TTLL8: variants seen among roughly 807,000 people sequenced by gnomAD.
The protein encoded by TTLL8 is tubulin tyrosine ligase like 8.
Under a neutral mutation model 77.8 loss-of-function variants are expected in TTLL8, and 65 were observed. The observed-to-expected ratio is 0.84, with a 90% CI of 0.68 to 1.03. TTLL8 has a LOEUF of 1.03. TTLL8 is among the 50% of genes least tolerant of loss of function. TTLL8 has a pLI of 0.00. For synonymous variants in TTLL8, 402 were observed against 422.8 expected (o/e 0.95, Z 0.60); for missense variants, 910 against 1,004.5 (o/e 0.91, Z 1.27).
chr22:50,034,373 G>T lies in TTLL8; in HGVS notation c.1011C>A (p.Ala337=). Residue 337 remains alanine (A), a synonymous_variant, in exon 9 of 14, where the codon GCC becomes GCA. Coordinates refer to ENST00000266182, the Ensembl canonical transcript of TTLL8. This position sits in a 1 kb window ranked among gnomAD's most constrained non-coding sequence, Gnocchi z 4.1. ...GGGACTCACCTCGGCCCCGGGACTT[G>T]GCCGCGGGCTTTATAATCCAGATGT... The T allele has an allele frequency of 1.5e-6, 2 of 1,366,822 alleles. No homozygotes were observed. The highest frequency in any genetic ancestry group is 2.0e-6 in the Non-Finnish European group (2 of 1,021,820). The allele number at this position is 1,366,822 out of a possible 1,614,324, so 84.7% of individuals were successfully genotyped here.
At chr22:50,033,700 A>G (rs1302553994) in intron 9 of TTLL8, among the ~76,000 whole-genome samples, 2 of 152,236 alleles carry the variant, frequency 1.3e-5, no homozygotes, top group African/African-American at 4.8e-5. Context: ...CAGAGGGGAC[A>G]CAGAGATCAG....
exon 11 of TTLL8, chr22:50,031,868 C>T (rs749631300): frequency 7.3e-6 from 10 of 1,367,200 alleles, no homozygotes; most frequent in East Asian, 4.5e-5. Context: ...AAGTCAGCCC[C>T]GTAGAGCTCA....
At chr22:50,055,897 C>T (rs1287265755), upstream of TTLL8, among the ~76,000 whole-genome samples, 1 of 152,084 alleles carries the variant, frequency 6.6e-6, no homozygotes, top group Non-Finnish European at 1.5e-5. Flanking sequence ...TACAGGGCTG[C>T]ATTCCCAGAT....
At position 50,034,693 on chromosome 22, in the gene TTLL8, G is replaced by A. The variant is rs930125427; in HGVS notation, c.922-231C>T. On this transcript the variant is annotated intron_variant, in intron 8 of 13. Coordinates refer to ENST00000266182, the Ensembl canonical transcript of TTLL8. The surrounding 1 kb of genome is among the most constrained non-coding windows in gnomAD (Gnocchi z 4.1). ...ACAGCCCTGTGAGGCTGCTCCAGAC[G>A]AGGGCTGTGTTAAGACAGTGGGGAC... Among the ~76,000 whole-genome samples, 3 of 152,156 alleles carry A rather than the reference G, an allele frequency of 2.0e-5. No individual in the cohort carries two copies. The highest frequency in any genetic ancestry group is 6.5e-5 in the Admixed American group (1 of 15,274).
chr22:50,047,399 T>C (rs747619853), intron 3 of TTLL8, 103 bp from the exon 6 acceptor site: 10 of 987,176 alleles, frequency 1.0e-5, no homozygotes, highest in Non-Finnish European at 1.3e-5. Context: ...GCGTGCAGCG[T>C]GAGGATCCCA....
In TTLL8 at chr22:50,041,539, C is replaced by A; in HGVS notation, c.830+82G>T. The A allele has an allele frequency of 1.6e-6, 2 of 1,240,578 alleles. No individual in the cohort carries two copies. Among genetic ancestry groups the A allele is most frequent in the Non-Finnish European group, 2.1e-6 (2 of 959,700 alleles). 76.8% of individuals were successfully genotyped at this position (1,240,578 alleles called of 1,614,324 possible). On this transcript the variant is annotated intron_variant, in intron 7 of 13. Coordinates refer to ENST00000266182, the Ensembl canonical transcript of TTLL8. This position sits in a 1 kb window ranked among gnomAD's most constrained non-coding sequence, Gnocchi z 4.3. ...TAATGCCCAGACAGGTGACCCAGTT[C>A]CCAGAGGCTGCACTGCCCCGGCAGC... is the stretch of plus-strand genomic sequence containing the variant.
At position 50,039,321 on chromosome 22, in the gene TTLL8, A is replaced by G. The variant is rs114400092; in HGVS notation, c.921+1866T>C. Reference sequence around the variant, plus strand: ...CTTTGTAGGAAAGTTTTTAAATTACAGATTTAGGCCGGGTGCAGTGGCTCA... The same window carrying G: ...CTTTGTAGGAAAGTTTTTAAATTACGGATTTAGGCCGGGTGCAGTGGCTCA... On this transcript the variant is annotated intron_variant, in intron 8 of 13. Transcript: ENST00000266182. Among the ~76,000 whole-genome samples, 549 of 152,306 alleles carry G rather than the reference A, an allele frequency of 3.6e-3. 3 individuals are homozygous for G. Among genetic ancestry groups the G allele is most frequent in the African/African-American group, 0.013 (534 of 41,552 alleles).
chr22:50,042,358 C>T lies in TTLL8; in HGVS notation c.644-551G>A, dbSNP rs558141074. On this transcript the variant is annotated intron_variant, in intron 6 of 13. Transcript: ENST00000266182. ...TAAGACAGAGTTTTGCTCTTGTCGCCCAGGCTGGATGGCAAGATCTTGGCT... is the reference window on the plus strand; with the variant it reads ...TAAGACAGAGTTTTGCTCTTGTCGCTCAGGCTGGATGGCAAGATCTTGGCT... Among the ~76,000 whole-genome samples, 179 of 151,930 alleles carry T rather than the reference C, an allele frequency of 1.2e-3. 1 individual carries two copies. The highest frequency in any genetic ancestry group is 2.4e-3 in the Non-Finnish European group (160 of 67,908).
exon 11 of TTLL8, chr22:50,031,941 C>G: frequency 7.3e-7 from 1 of 1,366,966 alleles, no homozygotes; most frequent in Non-Finnish European, 9.8e-7. Flanking sequence ...CGATGGCCTT[C>G]TTCATGGACG....
intron 1 of TTLL8, among the ~76,000 whole-genome samples, chr22:50,052,870 A>T (rs1042230409): frequency 5.3e-5 from 8 of 152,354 alleles, no homozygotes; most frequent in Non-Finnish European, 1.0e-4. Context: ...AATAAGTTCC[A>T]TAAGACTTTA....
intron 8 of TTLL8, among the ~76,000 whole-genome samples, chr22:50,037,048 C>T (rs189720726): frequency 1.3e-5 from 2 of 152,208 alleles, no homozygotes; most frequent in African/African-American, 4.8e-5. Context: ...GCATAAATAC[C>T]TTGGAATGGA....
At position 50,041,349 on chromosome 22, in the gene TTLL8, C is replaced by T. The variant is rs182149350; in HGVS notation, c.831-72G>A. 17 of 592,038 alleles carry T rather than the reference C, an allele frequency of 2.9e-5. No individual in the cohort carries two copies. The highest frequency in any genetic ancestry group is 7.8e-5 in the African/African-American group (4 of 51,060). The allele number at this position is 592,038 out of a possible 1,614,324, so 36.7% of individuals were successfully genotyped here. On this transcript the variant is annotated intron_variant, in intron 7 of 13. Transcript: ENST00000266182. This position sits in a 1 kb window ranked among gnomAD's most constrained non-coding sequence, Gnocchi z 4.3. ...CAGGCAACAGAGGGCCTGGGCACCC[C>T]GACACCCATAAGGCACCCCAAGATC...
At chr22:50,047,844 T>G (rs2061422013) in intron 3 of TTLL8, among the ~76,000 whole-genome samples, 1 of 152,196 alleles carries the variant, frequency 6.6e-6, no homozygotes, top group South Asian at 2.1e-4. Context: ...ACGCCTGTAA[T>G]CCCAACACTT....
At position 50,031,040 on chromosome 22, in the gene TTLL8, G is replaced by GAGTGAAC. The variant is rs1252632168; in HGVS notation, c.1708-122_1708-116dup. 4.0e-6 allele frequency: 4 copies of GAGTGAAC among 991,542 alleles called. No individual in the cohort carries two copies. The African/African-American group carries it at 7.0e-5, about 17-fold the overall frequency. The allele number at this position is 991,542 out of a possible 1,614,324, so 61.4% of individuals were successfully genotyped here. ...GGGCACAGACCCCCACCTGACTCAG[G>GAGTGAAC]AGTGAACAGTGAACACCTGGGGTCC... On this transcript the variant is annotated intron_variant, in intron 11 of 13. Transcript: ENST00000266182.
chr22:50,034,422 T>C lies in TTLL8; in HGVS notation c.962A>G (p.Gln321Arg), dbSNP rs2061321523. The stretch of plus-strand genomic sequence containing the variant: ...GTTCCGGAGCCCGTCAATGTCCGTC[T>C]GAGGGTTCACAGACGTGATTCTATT... Residue 321 changes from glutamine (Q) to arginine (R), a missense_variant, in exon 9 of 14, where the codon CAG becomes CGG. By Grantham distance (43) the Gln-to-Arg change is conservative (BLOSUM62 1). Transcript: ENST00000266182. The surrounding 1 kb of genome is among the most constrained non-coding windows in gnomAD (Gnocchi z 4.1). The C allele has an allele frequency of 7.3e-7, 1 of 1,367,240 alleles. No homozygotes were observed. The allele number at this position is 1,367,240 out of a possible 1,614,324, so 84.7% of individuals were successfully genotyped here.
chr22:50,042,724 G>C (rs558700549), intron 6 of TTLL8, among the ~76,000 whole-genome samples: 9 of 152,274 alleles, frequency 5.9e-5, no homozygotes, highest in African/African-American at 2.2e-4. Flanking sequence ...GAGCCTGAAA[G>C]TTTGAGACTA....
exon 2 of TTLL8, chr22:50,050,204 C>A: frequency 7.4e-7 from 1 of 1,358,708 alleles, no homozygotes; most frequent in Non-Finnish European, 9.8e-7. Flanking sequence ...CAGAGCGGCC[C>A]GGACCACCGG....
upstream of TTLL8, chr22:50,055,377 G>A: frequency 7.9e-7 from 1 of 1,264,290 alleles, no homozygotes; most frequent in African/African-American, 1.5e-5. Flanking sequence ...TCCAAGGCCA[G>A]GCACGGTGGC....
chr22:50,050,205 G>A lies in TTLL8; in HGVS notation c.94C>T (p.Arg32Trp), dbSNP rs201744551. The change falls in exon 2 of 14, where the codon CGG (arginine) becomes TGG (tryptophan). Residue 32 changes from arginine to tryptophan, a missense_variant. By Grantham distance (101) the Arg-to-Trp change is moderately radical (BLOSUM62 -3). This residue lies in a region of TTLL8 where 776 missense variants were observed against 926.1 expected (regional missense o/e 0.84). Coordinates refer to ENST00000266182, the Ensembl canonical transcript of TTLL8. ...CAGCCCTTCCTTCGCAGAGCGGCCC[G>A]GACCACCGGGTAGTGTCCGTAGATA... is the stretch of plus-strand genomic sequence containing the variant. 2.6e-4 allele frequency: 348 copies of A among 1,358,156 alleles called. 4 individuals carry two copies. Among genetic ancestry groups the A allele is most frequent in the Middle Eastern group, 8.4e-4 (4 of 4,752 alleles). The allele number at this position is 1,358,156 out of a possible 1,614,324, so 84.1% of individuals were successfully genotyped here. A position where few individuals can be genotyped will look rare whatever the true frequency, so the allele number is the denominator to read the frequency against.
Sources: allele counts gnomAD v4.1 joint callset (sites outside exome capture counted in the v4.1 genomes callset), GRCh38; gene constraint gnomAD v4.1.1; regional missense constraint gnomAD v4.1.1; non-coding constraint Gnocchi (gnomAD v3.1); transcripts MANE v1.5; gene names NCBI Gene and HGNC (gene_info 2026-07-23, HGNC 2026-07-21).